Variants in ARHGEF19 observed in about 807,000 individuals in gnomAD.
The protein encoded by ARHGEF19 is Rho guanine nucleotide exchange factor (GEF) 19.
In ARHGEF19, 92 loss-of-function variants were observed where a neutral mutation model predicts 87.6. The ratio of observed to expected loss-of-function variants is 1.05; its 90% confidence interval spans 0.89 to 1.25. The LOEUF (loss-of-function observed/expected upper bound fraction) is 1.25, where lower values mean the gene tolerates loss of function less well. Ranked by LOEUF, ARHGEF19 falls within the 50% of genes most tolerant of loss-of-function variation. The pLI is 0.00. For synonymous variants in ARHGEF19, 438 were observed against 446.2 expected (o/e 0.98, Z 0.23); for missense variants, 1,054 against 1,051.8 (o/e 1.00, Z -0.03).
In ARHGEF19 at chr1:16,198,040, C is replaced by G. The variant is rs2081055761; in HGVS notation, c.*547G>C. ...GGAGCCAGCCGGAGACTCTCCTGGT[C>G]TTTAGCTGGGAAAATAGGACTGTGG... On this transcript the variant is annotated 3_prime_UTR_variant, in exon 16 of 16. Transcript: ENST00000270747. This position sits in a 1 kb window ranked among gnomAD's most constrained non-coding sequence, Gnocchi z 4.1. 6.6e-6 allele frequency: 1 copy of G among 152,216 alleles called. No homozygotes were observed. Among genetic ancestry groups the G allele is most frequent in the African/African-American group, 2.4e-5 (1 of 41,370 alleles). 9.4% of individuals were successfully genotyped at this position (152,216 alleles called of 1,614,324 possible). A position where few individuals can be genotyped will look rare whatever the true frequency, so the allele number is the denominator to read the frequency against.
chr1:16,211,109 C>G (rs1343820934), intron 1 of ARHGEF19, among the ~76,000 whole-genome samples: 1 of 152,188 alleles, frequency 6.6e-6, no homozygotes, highest in Non-Finnish European at 1.5e-5. Context: ...GCGAGTCTCC[C>G]TAAGCCTCGG....
At position 16,207,487 on chromosome 1, in the gene ARHGEF19, C is replaced by T. The variant is rs745776822; in HGVS notation, c.874+35G>A. 1.2e-6 allele frequency: 2 copies of T among 1,610,878 alleles called. No individual in the cohort carries two copies. The highest frequency in any genetic ancestry group is 2.2e-5 in the East Asian group (1 of 44,824). Reference sequence around the variant, plus strand: ...GTTTCCACACCGCAGCCCCTTCCTCCGTTACCTCCTCCCAGGGACCCCCCT... The same window carrying T: ...GTTTCCACACCGCAGCCCCTTCCTCTGTTACCTCCTCCCAGGGACCCCCCT... On this transcript the variant is annotated intron_variant, in intron 5 of 15. Transcript: ENST00000270747. This position sits in a 1 kb window ranked among gnomAD's most constrained non-coding sequence, Gnocchi z 4.0.
rs931434596 is a variant in ARHGEF19 at position 16,207,133 on chromosome 1, C to G, written c.952G>C (p.Gly318Arg). The G allele has an allele frequency of 6.6e-7, 1 of 1,526,036 alleles. No individual in the cohort carries two copies. Among genetic ancestry groups the G allele is most frequent in the African/African-American group, 1.4e-5 (1 of 70,562 alleles). 94.5% of individuals were successfully genotyped at this position (1,526,036 alleles called of 1,614,324 possible). ...TCCTCTGCGCCCTCGGCCTCGTCCC[C>G]CGGGCCCTCCTCCTCGCGCTGCTGC... ...RRQQREEEGP[G>R]DEAEGAEEGP... Residue 318 changes from glycine to arginine, a missense_variant, in exon 6 of 16, where the codon GGG becomes CGG. Gly to Arg is a moderately radical substitution (Grantham distance 125). Coordinates refer to ENST00000270747, the MANE Select transcript of ARHGEF19 (RefSeq NM_153213.5). This position sits in a 1 kb window ranked among gnomAD's most constrained non-coding sequence, Gnocchi z 4.0.
intron 1 of ARHGEF19, among the ~76,000 whole-genome samples, chr1:16,212,290 C>T (rs2081204604): frequency 6.6e-6 from 1 of 152,162 alleles, no homozygotes; most frequent in Admixed American, 6.5e-5. Flanking sequence ...GAGCTGGTAC[C>T]CTGCCAGAGC....
Position 16,208,127 on chromosome 1 carries a change from G to T in ARHGEF19, c.511C>A (p.Leu171Met). The T allele has an allele frequency of 6.2e-7, 1 of 1,613,616 alleles. No homozygotes were observed. Among genetic ancestry groups the T allele is most frequent in the Non-Finnish European group, 8.5e-7 (1 of 1,179,628 alleles). The part of the protein sequence containing the change: ...EPGQVVQEQA[L>M]STEEPRVELS... ...TCCACCCTGGGCTCCTCTGTGCTCA[G>T]GGCCTGCTCTTGCACTACCTGGCCA... The change falls in exon 3 of 16, where the codon CTG (leucine) becomes ATG (methionine). Residue 171 changes from leucine (L) to methionine (M), a missense_variant. Physicochemically the swap from Leu to Met is conservative, Grantham distance 15. Coordinates refer to ENST00000270747, the MANE Select transcript of ARHGEF19 (RefSeq NM_153213.5).
rs1384359397 is a variant in ARHGEF19, at chr1:16,207,688, A to G, written c.784T>C (p.Trp262Arg). Residue 262 changes from tryptophan to arginine, a missense_variant, in exon 4 of 16, where the codon TGG becomes CGG. Physicochemically the swap from Trp to Arg is moderately radical, Grantham distance 101 (BLOSUM62 -3). Coordinates refer to ENST00000270747, the MANE Select transcript of ARHGEF19 (RefSeq NM_153213.5). The surrounding 1 kb of genome is among the most constrained non-coding windows in gnomAD (Gnocchi z 4.0). ...PAPGDSREGD[W>R]SEPRLDTQEE... is the part of the protein sequence containing the mutation. ...GGGAGGTGGTACCTGGGCTCGGACC[A>G]ATCGCCCTCTCGTGAGTCACCAGGG... 1 of 1,613,872 alleles carries G rather than the reference A, an allele frequency of 6.2e-7. No individual in the cohort carries two copies.
intron 2 of ARHGEF19, 73 bp downstream of exon 2, chr1:16,208,570 T>G: frequency 1.3e-6 from 2 of 1,486,974 alleles, no homozygotes; most frequent in South Asian, 2.6e-5. Context: ...GACATAAAGG[T>G]TAAGGAGCTG....
rs1237189520 is a variant in ARHGEF19 at position 16,207,019 on chromosome 1, G to A, written c.1066C>T (p.Gln356Ter). 1 of 1,517,116 alleles carries A rather than the reference G, an allele frequency of 6.6e-7. No individual in the cohort carries two copies. Among genetic ancestry groups the A allele is most frequent in the East Asian group, 2.7e-5 (1 of 36,558 alleles). The allele number at this position is 1,517,116 out of a possible 1,614,324, so 94.0% of individuals were successfully genotyped here. ...SARGSTFSLWQDIPDVRGSGV... is the reference protein window; with the variant it reads ...SARGSTFSLW ...CTGCCGCGTACGTCGGGGATATCCTGCCACAGCGAGAAGGTGGAGCCTCGC... is the reference window on the plus strand; with the variant it reads ...CTGCCGCGTACGTCGGGGATATCCTACCACAGCGAGAAGGTGGAGCCTCGC... Residue 356 changes from glutamine to a stop codon, truncating the protein, a stop_gained, in exon 6 of 16, where the codon CAG becomes TAG. Coordinates refer to ENST00000270747, the MANE Select transcript of ARHGEF19 (RefSeq NM_153213.5). LOFTEE classifies it high-confidence loss of function. This position sits in a 1 kb window ranked among gnomAD's most constrained non-coding sequence, Gnocchi z 4.0.
chr1:16,208,849 G>A lies in ARHGEF19; in HGVS notation c.206C>T (p.Thr69Ile). The A allele has an allele frequency of 6.2e-7, 1 of 1,609,842 alleles. No homozygotes were observed. Among genetic ancestry groups the A allele is most frequent in the Admixed American group, 1.7e-5 (1 of 58,356 alleles). ...RAPGSRWSLG[T>I]PAPLQGLLWP... ...TAGCAACCCTTGGAGAGGGGCAGGGGTCCCCAGGGACCAGCGGCTGCCAGG... is the reference window on the plus strand; with the variant it reads ...TAGCAACCCTTGGAGAGGGGCAGGGATCCCCAGGGACCAGCGGCTGCCAGG... The change falls in exon 2 of 16, where the codon ACC (threonine) becomes ATC (isoleucine). Residue 69 changes from threonine to isoleucine, a missense_variant. Coordinates refer to ENST00000270747, the MANE Select transcript of ARHGEF19 (RefSeq NM_153213.5).
At chr1:16,201,890 A>G (rs1318700929) in intron 13 of ARHGEF19, 29 bp from the exon 14 acceptor site, 2 of 1,610,572 alleles carry the variant, frequency 1.2e-6, no homozygotes, top group Non-Finnish European at 1.7e-6. Context: ...AAGTTGTCAC[A>G]ATATGCAAAG....
Position 16,198,715 on chromosome 1 carries a change from C to T in ARHGEF19, c.2281G>A (p.Gly761Ser), listed in dbSNP as rs2081060062. The T allele has an allele frequency of 3.7e-6, 6 of 1,611,008 alleles. No individual in the cohort carries two copies. The highest frequency in any genetic ancestry group is 5.1e-6 in the Non-Finnish European group (6 of 1,178,172). Residue 761 changes from glycine to serine, a missense_variant, in exon 16 of 16, where the codon GGT (glycine) becomes AGT (serine). Gly to Ser is a moderately conservative substitution (Grantham distance 56). Transcript: ENST00000270747. This position sits in a 1 kb window ranked among gnomAD's most constrained non-coding sequence, Gnocchi z 4.1. ...GCCTGGGGCACCCACCCCTTCTCAC[C>T]ATCTGCCAGGCGGACCCCTTCCAGC... is the stretch of plus-strand genomic sequence containing the variant. ...GWLEGVRLADGEKGWVPQAYV... is the reference protein window; with the variant it reads ...GWLEGVRLADSEKGWVPQAYV...
At position 16,208,787 on chromosome 1, in the gene ARHGEF19, T is replaced by G; in HGVS notation, c.268A>C (p.Thr90Pro). Residue 90 changes from threonine to proline, a missense_variant, in exon 2 of 16, where the codon ACC becomes CCC. Thr to Pro is a conservative substitution (Grantham distance 38, BLOSUM62 -1). Coordinates refer to ENST00000270747, the MANE Select transcript of ARHGEF19 (RefSeq NM_153213.5). ...LSPGGSDTEI[T>P]SGGMRPSRAG... Reference sequence around the variant, plus strand: ...CTGCTGGGCCGCATCCCCCCGCTGGTGATCTCTGTATCTGAGCCTCCTGGG... The same window carrying G: ...CTGCTGGGCCGCATCCCCCCGCTGGGGATCTCTGTATCTGAGCCTCCTGGG... The G allele has an allele frequency of 6.2e-7, 1 of 1,613,530 alleles. No individual in the cohort carries two copies.
intron 14 of ARHGEF19, among the ~76,000 whole-genome samples, chr1:16,199,627 G>A (rs2081068839): frequency 6.6e-6 from 1 of 151,988 alleles, no homozygotes; most frequent in African/African-American, 2.4e-5. Flanking sequence ...GCCCTGCAAT[G>A]TGCCCCTAAC....
Position 16,207,375 on chromosome 1 carries a change from C to T in ARHGEF19, c.874+147G>A. On this transcript the variant is annotated intron_variant, in intron 5 of 15. Transcript: ENST00000270747. The surrounding 1 kb of genome is among the most constrained non-coding windows in gnomAD (Gnocchi z 4.0). ...TCATTCATTCCATAAACAAATTGAG[C>T]ACCTACTGAGTGCTAGATACCGACA... The T allele has an allele frequency of 7.6e-7, 1 of 1,322,806 alleles. No individual in the cohort carries two copies. The allele number at this position is 1,322,806 out of a possible 1,614,324, so 81.9% of individuals were successfully genotyped here. A position where few individuals can be genotyped will look rare whatever the true frequency, so the allele number is the denominator to read the frequency against.
chr1:16,201,977 TACCCTAGGGACC>T (rs200243292), intron 13 of ARHGEF19, 116 bp from the exon 14 acceptor site: 837,839 of 1,119,158 alleles, frequency 0.75, 314,674 homozygotes, highest in East Asian at 0.88. Context: ...GACCCAGGCC[TACCCTAGGGACC>T]CATGTCTGCC....
At chr1:16,204,977 T>C in intron 11 of ARHGEF19, 58 bp from the exon 12 acceptor site, 1 of 1,571,050 alleles carries the variant, frequency 6.4e-7, no homozygotes, top group Non-Finnish European at 8.6e-7. Context: ...GAGCACAAGA[T>C]GGTAGATGGG....
In ARHGEF19 at chr1:16,207,959, C is replaced by CGG. The variant is rs765054966; in HGVS notation, c.677_678dup (p.Gly227ProfsTer17). On this transcript the variant is annotated frameshift_variant, in exon 3 of 16. Coordinates refer to ENST00000270747, the MANE Select transcript of ARHGEF19 (RefSeq NM_153213.5). LOFTEE classifies it high-confidence loss of function. This position sits in a 1 kb window ranked among gnomAD's most constrained non-coding sequence, Gnocchi z 4.0. ...GAGCTGGTACCTTCCCGGGCTGCTC[C>CGG]GGTGCCTGACCCAGAGATGAGTGCC... 2 of 1,610,150 alleles carry CGG rather than the reference C, an allele frequency of 1.2e-6. No homozygotes were observed. The highest frequency in any genetic ancestry group is 1.3e-5 in the African/African-American group (1 of 74,868).
In ARHGEF19 at chr1:16,205,817, CT is replaced by C; in HGVS notation, c.1451+113del. The C allele has an allele frequency of 6.7e-7, 1 of 1,493,506 alleles. No individual in the cohort carries two copies. The highest frequency in any genetic ancestry group is 9.0e-7 in the Non-Finnish European group (1 of 1,114,888). The allele number at this position is 1,493,506 out of a possible 1,614,324, so 92.5% of individuals were successfully genotyped here. A position where few individuals can be genotyped will look rare whatever the true frequency, so the allele number is the denominator to read the frequency against. ...CTCACCTTATCCTGGTCACAGAGAC[CT>C]TTTCAGGGACCCCTCCCCTCCCAGA... On this transcript the variant is annotated intron_variant, in intron 8 of 15. Transcript: ENST00000270747. The surrounding 1 kb of genome is among the most constrained non-coding windows in gnomAD (Gnocchi z 5.8).
Position 16,205,258 on chromosome 1 carries a change from G to A in ARHGEF19, c.1657-82C>T, listed in dbSNP as rs1055236123. ...AGCCTCAGACTCTTGCCTGGGGACC[G>A]GAGACTCTGACAGCTGGGGGCTGTT... On this transcript the variant is annotated intron_variant, in intron 10 of 15. Transcript: ENST00000270747. The surrounding 1 kb of genome is among the most constrained non-coding windows in gnomAD (Gnocchi z 5.8). 1.3e-5 allele frequency: 21 copies of A among 1,602,336 alleles called. No homozygotes were observed. Among genetic ancestry groups the A allele is most frequent in the Middle Eastern group, 3.3e-4 (2 of 5,980 alleles).
Sources: gnomAD v4.1 joint callset for allele counts (sites outside exome capture counted in the v4.1 genomes callset) on GRCh38, gnomAD v4.1.1 for gene constraint, Gnocchi (gnomAD v3.1) non-coding constraint, MANE v1.5 for transcripts, NCBI Gene and HGNC (gene_info 2026-07-23, HGNC 2026-07-21) for gene names.